The following WWOX variants were observed in gnomAD, a reference collection of about 807,000 sequenced individuals.
WWOX encodes the protein WW domain-containing oxidoreductase.
In WWOX, 69 loss-of-function variants were observed where a neutral mutation model predicts 46.2. The observed-to-expected ratio is 1.49, with a 90% CI of 1.23 to 1.82. The LOEUF is 1.82. WWOX is among the 40% of genes most tolerant of loss of function. The pLI is 0.00. For synonymous variants in WWOX, 359 were observed against 202.6 expected (o/e 1.77, Z -6.56); for missense variants, 919 against 542.6 (o/e 1.69, Z -6.89).
chr16:78,265,289 C>G (rs2079339426), intron 5 of WWOX, among the ~76,000 whole-genome samples: 1 of 152,190 alleles, frequency 6.6e-6, no homozygotes, highest in Non-Finnish European at 1.5e-5. Flanking sequence ...GCCACCTCAC[C>G]CAGCCAAGAA....
At chr16:78,802,926 A>C (rs1161204293) in intron 8 of WWOX, among the ~76,000 whole-genome samples, 1 of 110,420 alleles carries the variant, frequency 9.1e-6, no homozygotes, top group Admixed American at 8.8e-5. Flanking sequence ...AAAAAAAAAA[A>C]AAAAAAAAAA....
chr16:78,314,719 TTTC>T (rs1488117167), intron 5 of WWOX, among the ~76,000 whole-genome samples: 2 of 131,086 alleles, frequency 1.5e-5, no homozygotes, highest in African/African-American at 5.8e-5. Flanking sequence ...TTTTTTTTTT[TTTC>T]TGTATTTTCA....
chr16:78,322,318 C>G (rs1312557017), intron 5 of WWOX, among the ~76,000 whole-genome samples: 1 of 152,110 alleles, frequency 6.6e-6, no homozygotes, highest in African/African-American at 2.4e-5. Flanking sequence ...GACATTTTGA[C>G]TTTGACTCCC....
chr16:78,472,669 A>C (rs2151436413), intron 8 of WWOX, among the ~76,000 whole-genome samples: 1 of 151,960 alleles, frequency 6.6e-6, no homozygotes, highest in Middle Eastern at 3.4e-3. Context: ...ATTAGCCAGG[A>C]ATGGTGGTAC....
intron 8 of WWOX, among the ~76,000 whole-genome samples, chr16:78,864,938 T>G (rs1158495020): frequency 6.6e-6 from 1 of 151,734 alleles, no homozygotes; most frequent in Non-Finnish European, 1.5e-5. Flanking sequence ...AATTTTTGTA[T>G]TTTTAGTAGA....
chr16:78,162,025 C>T (rs1339270004), intron 4 of WWOX, among the ~76,000 whole-genome samples: 1 of 152,064 alleles, frequency 6.6e-6, no homozygotes. Flanking sequence ...CTTTATGTTG[C>T]TCTTTGTTAC....
chr16:78,703,655 T>G (rs2048272689), intron 8 of WWOX, among the ~76,000 whole-genome samples: 1 of 152,008 alleles, frequency 6.6e-6, no homozygotes, highest in Admixed American at 6.6e-5. Flanking sequence ...TTGGTTTTTT[T>G]TGGAAAAAGA....
At chr16:78,930,448 A>ATTTTT (rs71140847) in intron 8 of WWOX, among the ~76,000 whole-genome samples, 1 of 106,574 alleles carries the variant, frequency 9.4e-6, no homozygotes, top group African/African-American at 3.7e-5. Context: ...CAGCTAGCTA[A>ATTTTT]TTTTTTTTTT....
chr16:78,334,804 AC>A (rs2080842303), intron 5 of WWOX, among the ~76,000 whole-genome samples: 1 of 57,900 alleles, frequency 1.7e-5, no homozygotes, highest in Non-Finnish European at 4.0e-5. Context: ...ACACACACAC[AC>A]ACGCACACAC....
rs1217614015 is a variant in WWOX at position 78,841,919 on chromosome 16, A to G, written c.1057-369689A>G. Among the ~76,000 whole-genome samples the G allele has an allele frequency of 2.6e-5, 4 of 152,298 alleles. No homozygotes were observed. The East Asian group carries it at 5.8e-4, about 22-fold the overall frequency. ...AGGGTCTCGATTATTGGGCTTGAGT[A>G]TCCTGATCTAATTAATGCACTGGAC... is the stretch of plus-strand genomic sequence containing the variant. On this transcript the variant is annotated intron_variant, in intron 8 of 8. Coordinates refer to ENST00000566780, the MANE Select transcript of WWOX (RefSeq NM_016373.4).
chr16:78,886,606 T>C (rs1030451171), intron 8 of WWOX, among the ~76,000 whole-genome samples: 3 of 148,286 alleles, frequency 2.0e-5, no homozygotes, highest in African/African-American at 7.5e-5. Context: ...CCAATTGCTT[T>C]CCAGAAACTA....
intron 8 of WWOX, among the ~76,000 whole-genome samples, chr16:78,548,769 G>A (rs1346598549): frequency 6.6e-6 from 1 of 152,154 alleles, no homozygotes; most frequent in African/African-American, 2.4e-5. Context: ...TAATGGTTTA[G>A]TTCAGGTTTG....
At chr16:79,129,868 G>A (rs1235045375) in intron 8 of WWOX, among the ~76,000 whole-genome samples, 2 of 152,208 alleles carry the variant, frequency 1.3e-5, no homozygotes, top group Non-Finnish European at 2.9e-5. Flanking sequence ...CACACAGGCA[G>A]GGGTCAGGCT....
At chr16:79,031,533 A>T (rs1252952019) in intron 8 of WWOX, among the ~76,000 whole-genome samples, 1 of 152,014 alleles carries the variant, frequency 6.6e-6, no homozygotes, top group South Asian at 2.1e-4. Context: ...GGAAGGGAAA[A>T]GCTACACCCC....
At chr16:78,909,527 C>G (rs1468215575) in intron 8 of WWOX, among the ~76,000 whole-genome samples, 1 of 152,130 alleles carries the variant, frequency 6.6e-6, no homozygotes, top group Non-Finnish European at 1.5e-5. Context: ...TCCCACGTGC[C>G]TTCTGGATGG....
intron 8 of WWOX, among the ~76,000 whole-genome samples, chr16:78,995,903 C>T (rs980184717): frequency 4.6e-5 from 7 of 152,080 alleles, no homozygotes; most frequent in Non-Finnish European, 1.0e-4. Flanking sequence ...CATTTCCAAA[C>T]GATTTTGCGT....
chr16:79,177,614 C>G (rs1286651191), intron 8 of WWOX, among the ~76,000 whole-genome samples: 1 of 152,130 alleles, frequency 6.6e-6, no homozygotes, highest in African/African-American at 2.4e-5. Context: ...GTGGGAGCAT[C>G]AGCTGAAAAC....
intron 8 of WWOX, among the ~76,000 whole-genome samples, chr16:78,626,537 C>T (rs750888530): frequency 1.3e-5 from 2 of 152,146 alleles, no homozygotes; most frequent in Non-Finnish European, 2.9e-5. Context: ...TCGTATCAAG[C>T]ATTCCACCTT....
intron 6 of WWOX, among the ~76,000 whole-genome samples, chr16:78,388,705 C>G (rs1312381995): frequency 1.4e-5 from 2 of 145,662 alleles, no homozygotes; most frequent in South Asian, 4.5e-4. Flanking sequence ...CGTGGTGGCT[C>G]ACGCCTGTAA....
Sources: allele counts gnomAD v4.1 joint callset (sites outside exome capture counted in the v4.1 genomes callset), GRCh38; gene constraint gnomAD v4.1.1; transcripts MANE v1.5; gene names NCBI Gene and HGNC (gene_info 2026-07-23, HGNC 2026-07-21).